STK10: variants seen among roughly 807,000 people sequenced by gnomAD.
STK10 encodes serine/threonine kinase 10.
In STK10, 78 loss-of-function variants were observed where a neutral mutation model predicts 113.8. That is an observed-to-expected ratio of 0.69 (90% confidence interval 0.57 to 0.83). The LOEUF is 0.83. STK10 is among the 40% of genes least tolerant of loss of function. The pLI, the probability that STK10 is intolerant of heterozygous loss-of-function variation, is 0.00. For missense variants in STK10, 1,109 were observed against 1,280.1 expected, an observed-to-expected ratio of 0.87 and a Z score of 2.04; for synonymous variants, 465 against 494.7, an observed-to-expected ratio of 0.94 and a Z score of 0.80.
rs1416486492 is a variant in STK10, at chr5:172,187,680, G to C, written c.156+207C>G. On this transcript the variant is annotated intron_variant, in intron 1 of 18. Coordinates refer to ENST00000176763, the MANE Select transcript of STK10 (RefSeq NM_005990.4). The surrounding 1 kb of genome is among the most constrained non-coding windows in gnomAD (Gnocchi z 4.6). Reference sequence around the variant, plus strand: ...AGGGTGGGGGCGGCAACCGTGCCCGGAGGGGGCGCCCAGAGCGCAGGGACT... The same window carrying C: ...AGGGTGGGGGCGGCAACCGTGCCCGCAGGGGGCGCCCAGAGCGCAGGGACT... Among the ~76,000 whole-genome samples the C allele has an allele frequency of 6.6e-6, 1 of 152,216 alleles. No individual in the cohort carries two copies. Among genetic ancestry groups the C allele is most frequent in the Non-Finnish European group, 1.5e-5 (1 of 68,038 alleles).
chr5:172,185,849 A>T (rs1770947043), intron 1 of STK10, among the ~76,000 whole-genome samples: 1 of 152,220 alleles, frequency 6.6e-6, no homozygotes, highest in African/African-American at 2.4e-5. Context: ...GCCCTCAAAT[A>T]TGGGCAAGGC....
chr5:172,117,445 C>G (rs766979330), intron 4 of STK10, 36 bp downstream of exon 4: 2 of 1,605,630 alleles, frequency 1.2e-6, no homozygotes, highest in Non-Finnish European at 1.7e-6. Context: ...AGGCAGACAC[C>G]CTGTGGCTCC....
At chr5:172,106,202 G>T (rs975044409) in intron 6 of STK10, among the ~76,000 whole-genome samples, 1 of 151,822 alleles carries the variant, frequency 6.6e-6, no homozygotes, top group African/African-American at 2.4e-5. Flanking sequence ...CTTGAGGCCA[G>T]GAGTTCAAGA....
At chr5:172,154,937 T>C (rs558779612) in intron 2 of STK10, among the ~76,000 whole-genome samples, 2 of 152,322 alleles carry the variant, frequency 1.3e-5, no homozygotes, top group African/African-American at 4.8e-5. Context: ...TCTCAATAAA[T>C]GCTAGCTACT....
At chr5:172,129,747 G>GA (rs1214372439) in intron 2 of STK10, among the ~76,000 whole-genome samples, 5 of 151,710 alleles carry the variant, frequency 3.3e-5, no homozygotes, top group Non-Finnish European at 5.9e-5. Flanking sequence ...CTAACTGCTA[G>GA]AAAAAAAACA....
chr5:172,161,509 C>T (rs895821728), intron 1 of STK10, among the ~76,000 whole-genome samples: 8 of 152,044 alleles, frequency 5.3e-5, no homozygotes, highest in Admixed American at 5.2e-4. Flanking sequence ...TTTCTCTCCA[C>T]ATTTGCTTTC....
chr5:172,050,346 T>C (rs1254598903), intron 18 of STK10, among the ~76,000 whole-genome samples: 2 of 152,148 alleles, frequency 1.3e-5, no homozygotes, highest in African/African-American at 4.8e-5. Context: ...GCAATCATCT[T>C]GAGTTGTGGG....
Position 172,142,781 on chromosome 5 carries a change from G to A in STK10, c.321+13843C>T, listed in dbSNP as rs145601025. Among the ~76,000 whole-genome samples the A allele has an allele frequency of 1.2e-3, 190 of 152,304 alleles. 1 individual carries two copies. The highest frequency in any genetic ancestry group is 4.5e-3 in the African/African-American group (188 of 41,562). ...CCCATTTTACATATGGGGAAACTGAGGCTCAGGAAGATTAAGGTCACAGAT... is the reference window on the plus strand; with the variant it reads ...CCCATTTTACATATGGGGAAACTGAAGCTCAGGAAGATTAAGGTCACAGAT... On this transcript the variant is annotated intron_variant, in intron 2 of 18. Coordinates refer to ENST00000176763, the MANE Select transcript of STK10 (RefSeq NM_005990.4).
intron 10 of STK10, among the ~76,000 whole-genome samples, chr5:172,090,004 A>G (rs1224644864): frequency 6.6e-6 from 1 of 151,994 alleles, no homozygotes; most frequent in East Asian, 1.9e-4. Flanking sequence ...TAGATAGGTG[A>G]GTAGGTGGAT....
intron 12 of STK10, among the ~76,000 whole-genome samples, chr5:172,080,898 G>C (rs1406966181): frequency 6.6e-6 from 1 of 152,216 alleles, no homozygotes; most frequent in African/African-American, 2.4e-5. Context: ...CTTTCTGTTG[G>C]TAGAAAATGC....
intron 1 of STK10, among the ~76,000 whole-genome samples, chr5:172,186,051 A>G (rs1187406979): frequency 6.6e-6 from 1 of 152,040 alleles, no homozygotes; most frequent in Non-Finnish European, 1.5e-5. Flanking sequence ...AGGTGGGTGG[A>G]TCAACTGAGG....
At chr5:172,047,980 G>A (rs1767530858) in intron 18 of STK10, among the ~76,000 whole-genome samples, 1 of 135,174 alleles carries the variant, frequency 7.4e-6, no homozygotes, top group Non-Finnish European at 1.5e-5. Context: ...TTGGCTCACT[G>A]CAACCTCCGC....
At chr5:172,174,510 G>A (rs377257391) in intron 1 of STK10, among the ~76,000 whole-genome samples, 17 of 152,140 alleles carry the variant, frequency 1.1e-4, no homozygotes, top group East Asian at 9.7e-4. Context: ...TCTACCCTCC[G>A]CGGGCCCTGT....
intron 1 of STK10, among the ~76,000 whole-genome samples, chr5:172,162,540 G>A (rs1423267499): frequency 1.3e-5 from 2 of 152,134 alleles, no homozygotes; most frequent in East Asian, 3.9e-4. Flanking sequence ...CAGAGGGCTG[G>A]AAAGAATCCT....
intron 2 of STK10, among the ~76,000 whole-genome samples, chr5:172,144,907 G>A (rs1003630209): frequency 2.0e-4 from 30 of 152,084 alleles, no homozygotes; most frequent in African/African-American, 7.2e-4. Flanking sequence ...AACTACGCGT[G>A]CCCAAGTCCC....
At chr5:172,110,238 C>T (rs1466127487) in intron 4 of STK10, among the ~76,000 whole-genome samples, 3 of 152,180 alleles carry the variant, frequency 2.0e-5, no homozygotes, top group Non-Finnish European at 4.4e-5. Flanking sequence ...CGGGGCTACT[C>T]AAGAGTGCAC....
chr5:172,101,670 GGAA>G (rs1215589483), intron 7 of STK10, among the ~76,000 whole-genome samples: 1 of 152,164 alleles, frequency 6.6e-6, no homozygotes, highest in Non-Finnish European at 1.5e-5. Flanking sequence ...CATGGAAGAA[GGAA>G]GAAGTAGGGC....
intron 9 of STK10, 149 bp from the exon 10 acceptor site, chr5:172,090,511 C>T: frequency 8.7e-7 from 1 of 1,144,804 alleles, no homozygotes; most frequent in East Asian, 2.5e-5. Context: ...CTTGCCTCAA[C>T]TTAACCTAGG....
chr5:172,068,812 G>A (rs1019486256), intron 12 of STK10, among the ~76,000 whole-genome samples: 1 of 151,666 alleles, frequency 6.6e-6, no homozygotes, highest in Non-Finnish European at 1.5e-5. Context: ...TTGAACCCAG[G>A]AGGCAGAGGT....
Sources: gnomAD v4.1 joint callset for allele counts (sites outside exome capture counted in the v4.1 genomes callset) on GRCh38, gnomAD v4.1.1 for gene constraint, Gnocchi (gnomAD v3.1) non-coding constraint, MANE v1.5 for transcripts, NCBI Gene and HGNC (gene_info 2026-07-23, HGNC 2026-07-21) for gene names.